LRRC9: variants seen among roughly 807,000 people sequenced by gnomAD.
LRRC9 encodes leucine rich repeat containing 9.
LRRC9 carries 122 observed loss-of-function variants against 63.2 expected under a neutral mutation model. The observed-to-expected ratio is 1.93, with a 90% CI of 1.67 to 2.24. The LOEUF is 2.24. Among genes scored for constraint, LRRC9 ranks in the 30% most tolerant of loss-of-function variants. The pLI is 0.00. For synonymous variants in LRRC9, 366 were observed against 213.1 expected (o/e 1.72, Z -6.25); for missense variants, 1,071 against 627.7 (o/e 1.71, Z -7.55).
chr14:59,980,915 C>T (rs1348363006), intron 15 of LRRC9, among the ~76,000 whole-genome samples: 2 of 152,108 alleles, frequency 1.3e-5, no homozygotes, highest in East Asian at 1.9e-4. Flanking sequence ...TCCTGCTTGC[C>T]GCTTTATGAG....
rs965195819 is a variant in LRRC9, at chr14:59,962,870, T to G, written c.1211+1825T>G. ...AGTAAATTAGATAGCTTTGATGGAT[T>G]TTGATTAGCATTAACCTGTTTACTT... On this transcript the variant is annotated intron_variant, in intron 10 of 31. Transcript: ENST00000445360. This position sits in a 1 kb window ranked among gnomAD's most constrained non-coding sequence, Gnocchi z 5.1. Among the ~76,000 whole-genome samples, 7 of 152,178 alleles carry G rather than the reference T, an allele frequency of 4.6e-5. No homozygotes were observed.
At chr14:60,041,821 G>A (rs1892971249) in intron 29 of LRRC9, among the ~76,000 whole-genome samples, 1 of 152,218 alleles carries the variant, frequency 6.6e-6, no homozygotes, top group South Asian at 2.1e-4. Context: ...AGGAGAAGAG[G>A]CACTCAGATT....
In LRRC9 at chr14:59,923,148, T is replaced by G. The variant is rs1888924112; in HGVS notation, c.-34+3265T>G. Among the ~76,000 whole-genome samples the G allele has an allele frequency of 1.3e-5, 2 of 152,170 alleles. No individual in the cohort carries two copies. The highest frequency in any genetic ancestry group is 2.9e-5 in the Non-Finnish European group (2 of 68,030). ...ATTCAGTAACTTCATCTGGAACCCT[T>G]GAGTCCATTTGTGACTGGAGAAAAC... is the stretch of plus-strand genomic sequence containing the variant. On this transcript the variant is annotated intron_variant, in intron 1 of 31. Transcript: ENST00000445360. This position sits in a 1 kb window ranked among gnomAD's most constrained non-coding sequence, Gnocchi z 4.2.
rs974893475 is a variant in LRRC9, at chr14:60,003,701, A to G, written c.2745A>G (p.Ser915=). 7 of 697,496 alleles carry G rather than the reference A, an allele frequency of 1.0e-5. No individual in the cohort carries two copies. Among genetic ancestry groups the G allele is most frequent in the Admixed American group, 6.1e-5 (3 of 48,972 alleles). 43.2% of individuals were successfully genotyped at this position (697,496 alleles called of 1,614,324 possible). A position where few individuals can be genotyped will look rare whatever the true frequency, so the allele number is the denominator to read the frequency against. The change falls in exon 21 of 32, where the codon TCA becomes TCG. Residue 915 remains serine (S), a synonymous_variant. Coordinates refer to ENST00000445360, the Ensembl canonical transcript of LRRC9. The surrounding 1 kb of genome is among the most constrained non-coding windows in gnomAD (Gnocchi z 4.2). ...AATTGGAAAATTTGAAATGGGCATC[A>G]TTCAGCAATAATAATCTCACTAAAA...
intron 17 of LRRC9, among the ~76,000 whole-genome samples, chr14:59,992,824 C>T (rs1888301343): frequency 6.6e-6 from 1 of 152,148 alleles, no homozygotes; most frequent in Non-Finnish European, 1.5e-5. Flanking sequence ...GACCAAATTA[C>T]GTCTGATTGG....
At chr14:60,043,267 C>A (rs1893110834) in intron 29 of LRRC9, among the ~76,000 whole-genome samples, 1 of 152,174 alleles carries the variant, frequency 6.6e-6, no homozygotes, top group Non-Finnish European at 1.5e-5. Context: ...CCTACCTTTT[C>A]AATTTGGATG....
At chr14:59,976,141 T>A (rs1886260277) in intron 13 of LRRC9, among the ~76,000 whole-genome samples, 1 of 152,256 alleles carries the variant, frequency 6.6e-6, no homozygotes, top group African/African-American at 2.4e-5. Flanking sequence ...CACCCCCAGA[T>A]GGGACCATCT....
intron 27 of LRRC9, among the ~76,000 whole-genome samples, chr14:60,025,046 T>C (rs1166058719): frequency 6.6e-6 from 1 of 151,778 alleles, no homozygotes; most frequent in Non-Finnish European, 1.5e-5. Flanking sequence ...TTTGTGTTTT[T>C]TTCGGTTGGT....
chr14:59,940,822 T>A (rs1339137707), intron 7 of LRRC9, among the ~76,000 whole-genome samples: 1 of 152,124 alleles, frequency 6.6e-6, no homozygotes, highest in African/African-American at 2.4e-5. Flanking sequence ...TTTGTCTTAG[T>A]ACAAACATGC....
chr14:60,064,868 G>T (rs1211372091), downstream of LRRC9, among the ~76,000 whole-genome samples: 1 of 151,980 alleles, frequency 6.6e-6, no homozygotes, highest in Admixed American at 6.6e-5. Flanking sequence ...ATAACAAAGT[G>T]GGAAAATAAA....
At chr14:59,948,512 C>G (rs1882726740) in intron 8 of LRRC9, among the ~76,000 whole-genome samples, 1 of 119,824 alleles carries the variant, frequency 8.3e-6, no homozygotes. Flanking sequence ...CTTTCTCCTG[C>G]CTGATTGCCC....
Position 60,004,085 on chromosome 14 carries a change from C to G in LRRC9, c.2842+287C>G, listed in dbSNP as rs73306052. On this transcript the variant is annotated intron_variant, in intron 21 of 31. Transcript: ENST00000445360. This position sits in a 1 kb window ranked among gnomAD's most constrained non-coding sequence, Gnocchi z 4.8. Reference sequence around the variant, plus strand: ...ATAAAAGATAAATAAAAAATTAAAACGAGTTCATACCTATTAGTGGAATTC... The same window carrying G: ...ATAAAAGATAAATAAAAAATTAAAAGGAGTTCATACCTATTAGTGGAATTC... Among the ~76,000 whole-genome samples, 1 of 152,038 alleles carries G rather than the reference C, an allele frequency of 6.6e-6. No homozygotes were observed. The highest frequency in any genetic ancestry group is 2.1e-4 in the South Asian group (1 of 4,824).
intron 13 of LRRC9, among the ~76,000 whole-genome samples, chr14:59,976,928 AC>A (rs1377114967): frequency 6.6e-6 from 1 of 152,198 alleles, no homozygotes; most frequent in Non-Finnish European, 1.5e-5. Flanking sequence ...ATTTTTAACT[AC>A]TTAAAAAACC....
At chr14:59,972,891 T>A (rs1885679346) in intron 12 of LRRC9, among the ~76,000 whole-genome samples, 1 of 152,104 alleles carries the variant, frequency 6.6e-6, no homozygotes, top group South Asian at 2.1e-4. Context: ...TACTGGTTAA[T>A]CCTGCAAATT....
At position 60,060,292 on chromosome 14, in the gene LRRC9, C is replaced by G. The variant is rs1894571570; in HGVS notation, c.4276+2270C>G. Among the ~76,000 whole-genome samples the G allele has an allele frequency of 6.6e-6, 1 of 152,196 alleles. No individual in the cohort carries two copies. The highest frequency in any genetic ancestry group is 2.4e-5 in the African/African-American group (1 of 41,438). ...AGACTACTGCTCACTGACAATGCAC[C>G]TAGTCACCTAATAACTCTGATGGAG... is the stretch of plus-strand genomic sequence containing the variant. On this transcript the variant is annotated intron_variant, in intron 31 of 31. Transcript: ENST00000445360. This position sits in a 1 kb window ranked among gnomAD's most constrained non-coding sequence, Gnocchi z 4.0.
intron 29 of LRRC9, among the ~76,000 whole-genome samples, chr14:60,039,255 T>C (rs1348045598): frequency 1.3e-5 from 2 of 152,230 alleles, no homozygotes; most frequent in Non-Finnish European, 2.9e-5. Flanking sequence ...CAGGCTTTCG[T>C]ATCGGGATGA....
At chr14:59,983,168 T>C (rs1417507902) in intron 16 of LRRC9, among the ~76,000 whole-genome samples, 2 of 152,140 alleles carry the variant, frequency 1.3e-5, no homozygotes, top group Non-Finnish European at 2.9e-5. Flanking sequence ...TATTGCAATA[T>C]TGCACAACTC....
At chr14:60,036,181 T>G (rs947446647) in intron 29 of LRRC9, among the ~76,000 whole-genome samples, 20 of 152,098 alleles carry the variant, frequency 1.3e-4, no homozygotes, top group African/African-American at 4.3e-4. Context: ...CTAAACATAA[T>G]CACCTCCCAA....
chr14:59,992,032 C>A (rs1888194856), intron 17 of LRRC9, among the ~76,000 whole-genome samples: 1 of 152,130 alleles, frequency 6.6e-6, no homozygotes, highest in Non-Finnish European at 1.5e-5. Context: ...GGTCCCTGAC[C>A]CCCGAGGAGC....
Sources: allele counts gnomAD v4.1 joint callset (sites outside exome capture counted in the v4.1 genomes callset), GRCh38; gene constraint gnomAD v4.1.1; non-coding constraint Gnocchi (gnomAD v3.1); transcripts MANE v1.5; gene names NCBI Gene and HGNC (gene_info 2026-07-23, HGNC 2026-07-21).